TXNL4A: variants seen among roughly 807,000 people sequenced by gnomAD.
TXNL4A encodes thioredoxin-like protein 4A.
TXNL4A carries 17 observed loss-of-function variants against 14.6 expected under a neutral mutation model. The ratio of observed to expected loss-of-function variants is 1.16; its 90% CI spans 0.80 to 1.74. TXNL4A has a LOEUF of 1.74. Among genes scored for constraint, TXNL4A ranks in the 40% most tolerant of loss-of-function variants. The pLI, the probability that TXNL4A is intolerant of heterozygous loss-of-function variation, is 0.00. For missense variants in TXNL4A, 74 were observed against 195.2 expected, an observed-to-expected ratio of 0.38 and a Z score of 3.70; for synonymous variants, 83 against 70.6, an observed-to-expected ratio of 1.18 and a Z score of -0.88.
In TXNL4A at chr18:79,973,720, AC is replaced by A; in HGVS notation, c.393del (p.Ser132ProfsTer58). 1 of 1,614,128 alleles carries A rather than the reference AC, an allele frequency of 6.2e-7. No individual in the cohort carries two copies. Among genetic ancestry groups the A allele is most frequent in the Non-Finnish European group, 8.5e-7 (1 of 1,180,020 alleles). On this transcript the variant is annotated frameshift_variant, in exon 3 of 3. Transcript: ENST00000269601. LOFTEE classifies it high-confidence loss of function. ...RGARKGRGLVVSPKDYSTKYR... is the reference protein window; with the variant it reads ...RGARKGRGLVXSPKDYSTKYR... ...TACTTGGTGGAGTAGTCCTTGGGGG[AC>A]ACCACCAGGCCGCGGCCTTTGCGGG... is the stretch of plus-strand genomic sequence containing the variant.
rs894296966 is a variant in TXNL4A, at chr18:79,982,138, T to C, written c.154-4437A>G. Among the ~76,000 whole-genome samples the C allele has an allele frequency of 1.3e-5, 2 of 151,950 alleles. No homozygotes were observed. The highest frequency in any genetic ancestry group is 1.5e-5 in the Non-Finnish European group (1 of 67,994). Reference sequence around the variant, plus strand: ...TCACGGGGTGGCAGGGAAATATCTGTCCTTAGAGAATTCCATGTGTAAAGA... The same window carrying C: ...TCACGGGGTGGCAGGGAAATATCTGCCCTTAGAGAATTCCATGTGTAAAGA... On this transcript the variant is annotated intron_variant, in intron 1 of 2. Coordinates refer to ENST00000269601, the MANE Select transcript of TXNL4A (RefSeq NM_006701.5). The surrounding 1 kb of genome is among the most constrained non-coding windows in gnomAD (Gnocchi z 4.0).
upstream of TXNL4A, among the ~76,000 whole-genome samples, chr18:79,991,370 AAC>A (rs748600685): frequency 6.6e-6 from 1 of 152,074 alleles, no homozygotes; most frequent in Non-Finnish European, 1.5e-5. Flanking sequence ...TATAGATGGA[AAC>A]ACAAAATATG....
intron 1 of TXNL4A, among the ~76,000 whole-genome samples, chr18:79,987,457 T>C (rs1004372593): frequency 6.6e-6 from 1 of 151,896 alleles, no homozygotes; most frequent in Non-Finnish European, 1.5e-5. Flanking sequence ...ACCTCTCAAA[T>C]TACTTATGGA....
chr18:79,987,902 C>T (rs899069584), intron 1 of TXNL4A, among the ~76,000 whole-genome samples: 1 of 152,380 alleles, frequency 6.6e-6, no homozygotes, highest in East Asian at 1.9e-4. Context: ...ATTAAGGATC[C>T]GCGCTCTCAA....
At chr18:79,996,889 G>A (rs1479100253) in intron 1 of TXNL4A, among the ~76,000 whole-genome samples, 1 of 152,210 alleles carries the variant, frequency 6.6e-6, no homozygotes, top group Non-Finnish European at 1.5e-5. Flanking sequence ...GTTGCAGTGA[G>A]CCAAGACTGT....
intron 1 of TXNL4A, among the ~76,000 whole-genome samples, chr18:80,012,312 G>C (rs1456410541): frequency 6.6e-6 from 1 of 152,144 alleles, no homozygotes; most frequent in East Asian, 1.9e-4. Context: ...TGATGACATA[G>C]AGATAAGTGA....
intron 1 of TXNL4A, among the ~76,000 whole-genome samples, chr18:80,005,085 C>T (rs1361167129): frequency 1.3e-5 from 2 of 152,218 alleles, no homozygotes; most frequent in Non-Finnish European, 2.9e-5. Flanking sequence ...GAGACACAGA[C>T]GTGCAGTAGA....
chr18:80,000,245 T>C (rs1463965551), intron 1 of TXNL4A, among the ~76,000 whole-genome samples: 1 of 152,190 alleles, frequency 6.6e-6, no homozygotes, highest in Non-Finnish European at 1.5e-5. Flanking sequence ...CCTAGAGACT[T>C]GTTGAATGGA....
intron 1 of TXNL4A, among the ~76,000 whole-genome samples, chr18:79,997,395 CA>C (rs145124746): frequency 1.3e-5 from 2 of 148,422 alleles, no homozygotes; most frequent in African/African-American, 5.0e-5. Flanking sequence ...AAAACAAAAA[CA>C]AAAAAAAACA....
chr18:79,986,668 C>T (rs2051553670), intron 1 of TXNL4A: 1 of 985,344 alleles, frequency 1.0e-6, no homozygotes, highest in Admixed American at 6.1e-5. Flanking sequence ...TGTGATGAGA[C>T]AAAGGCCCTC....
At chr18:80,027,586 A>C (rs569867947) in intron 1 of TXNL4A, among the ~76,000 whole-genome samples, 6 of 152,212 alleles carry the variant, frequency 3.9e-5, no homozygotes, top group Non-Finnish European at 7.3e-5. Context: ...GGGTATACAC[A>C]AAGTCCCACT....
chr18:80,005,077 G>C (rs1482475466), intron 1 of TXNL4A, among the ~76,000 whole-genome samples: 1 of 152,234 alleles, frequency 6.6e-6, no homozygotes, highest in South Asian at 2.1e-4. Flanking sequence ...GTGACCTAGA[G>C]ACACAGACGT....
rs561464118 is a variant in TXNL4A at position 79,982,590 on chromosome 18, G to A, written c.154-4889C>T. Among the ~76,000 whole-genome samples, 3 of 152,308 alleles carry A rather than the reference G, an allele frequency of 2.0e-5. No homozygotes were observed. The highest frequency in any genetic ancestry group is 2.1e-4 in the South Asian group (1 of 4,826). ...CTCAGAAACCAAGGCAGGAGACTCC[G>A]GGGAGCTGTGCCGAGTGCCCCAGAG... On this transcript the variant is annotated intron_variant, in intron 1 of 2. Coordinates refer to ENST00000269601, the MANE Select transcript of TXNL4A (RefSeq NM_006701.5). The surrounding 1 kb of genome is among the most constrained non-coding windows in gnomAD (Gnocchi z 4.0).
chr18:79,974,562 A>G (rs2051350290), intron 2 of TXNL4A, among the ~76,000 whole-genome samples: 1 of 152,128 alleles, frequency 6.6e-6, no homozygotes, highest in Non-Finnish European at 1.5e-5. Context: ...TAGTGGCAAA[A>G]TCAACCTCCT....
chr18:79,973,890 G>A, intron 2 of TXNL4A, 34 bp from the exon 3 acceptor site: 1 of 1,601,424 alleles, frequency 6.2e-7, no homozygotes, highest in Non-Finnish European at 8.5e-7. Flanking sequence ...CATTCTCATA[G>A]AAGTCTCTTT....
Position 80,006,562 on chromosome 18 carries a change from T to G in TXNL4A, c.-61+27289A>C, listed in dbSNP as rs146580050. ...GGCATTCCAGAGATGTTTAGAAATT[T>G]TATTTACTTATAAAAGTTGAAAGAG... On this transcript the variant is annotated intron_variant, in intron 1 of 2. Transcript: ENST00000585474. Among the ~76,000 whole-genome samples, 55 of 152,274 alleles carry G rather than the reference T, an allele frequency of 3.6e-4. No homozygotes were observed. In the East Asian group the frequency reaches 7.9e-3, roughly 22 times the overall value.
chr18:79,999,527 A>T (rs2051685193), intron 1 of TXNL4A, among the ~76,000 whole-genome samples: 1 of 132,566 alleles, frequency 7.5e-6, no homozygotes, highest in Non-Finnish European at 1.6e-5. Flanking sequence ...CAAGAGTGAG[A>T]CTCCATCTCA....
At chr18:79,975,985 A>G (rs1427518868) in intron 2 of TXNL4A, among the ~76,000 whole-genome samples, 1 of 152,218 alleles carries the variant, frequency 6.6e-6, no homozygotes, top group Non-Finnish European at 1.5e-5. Context: ...TCAGCCACGC[A>G]ACCTTTGCTG....
At chr18:80,015,853 T>G (rs1188362200) in intron 1 of TXNL4A, among the ~76,000 whole-genome samples, 186 of 144,746 alleles carry the variant, frequency 1.3e-3, no homozygotes, top group African/African-American at 4.7e-3. Context: ...GCAGCATGAT[T>G]TATAGTCCTT....
Sources: gnomAD v4.1 joint callset for allele counts (sites outside exome capture counted in the v4.1 genomes callset) on GRCh38, gnomAD v4.1.1 for gene constraint, Gnocchi (gnomAD v3.1) non-coding constraint, MANE v1.5 for transcripts, NCBI Gene and HGNC (gene_info 2026-07-23, HGNC 2026-07-21) for gene names.